DOCK11: variants seen among roughly 807,000 people sequenced by gnomAD.
The protein encoded by DOCK11 is dedicator of cytokinesis 11, also known as dedicator of cytokinesis protein 11.
In DOCK11, 70 loss-of-function variants were observed where a neutral mutation model predicts 169.1. That is an observed-to-expected ratio of 0.41 (90% CI 0.34 to 0.51). The LOEUF (loss-of-function observed/expected upper bound fraction) is 0.51, where lower values mean the gene tolerates loss of function less well. Ranked by LOEUF, DOCK11 falls within the 20% of genes least tolerant of loss-of-function variation. The pLI is 0.10. For missense variants in DOCK11, 1,166 were observed against 1,538.8 expected (o/e 0.76, Z 4.05); for synonymous variants, 529 against 541.3 (o/e 0.98, Z 0.32).
At chrX:118,590,071 A>G (rs1389561697) in intron 18 of DOCK11, 139 bp from the exon 19 acceptor site, 1 of 485,015 alleles carries the variant, frequency 2.1e-6, no homozygotes, top group East Asian at 3.6e-5. Context: ...ATGATTGGGA[A>G]TTTACAGGCT....
At chrX:118,562,369 T>C (rs2012940482) in intron 7 of DOCK11, among the ~76,000 whole-genome samples, 1 of 111,208 alleles carries the variant, frequency 9.0e-6, no homozygotes, top group Admixed American at 9.6e-5. Flanking sequence ...CCTACTTTCA[T>C]TGCCCTTTCT....
At chrX:118,640,955 G>A (rs764618936) in intron 38 of DOCK11, among the ~76,000 whole-genome samples, 2 of 110,448 alleles carry the variant, frequency 1.8e-5, no homozygotes, top group Non-Finnish European at 3.8e-5. Flanking sequence ...CACCATGCCC[G>A]GCTAATTTTT....
intron 1 of DOCK11, among the ~76,000 whole-genome samples, chrX:118,525,339 G>T (rs932189406): frequency 9.0e-6 from 1 of 111,421 alleles, no homozygotes; most frequent in Non-Finnish European, 1.9e-5. Flanking sequence ...ATATTATTCA[G>T]CCTTAAAAAG....
chrX:118,542,175 CTT>C (rs35885757), intron 1 of DOCK11, among the ~76,000 whole-genome samples: 8 of 100,464 alleles, frequency 8.0e-5, no homozygotes, highest in Admixed American at 1.1e-4. Context: ...TTCTCCAGAA[CTT>C]TTTTTTTTTT....
At chrX:118,532,670 A>G (rs2147333227) in intron 1 of DOCK11, among the ~76,000 whole-genome samples, 1 of 107,503 alleles carries the variant, frequency 9.3e-6, no homozygotes, top group South Asian at 4.3e-4. Context: ...AGCCCCAGCT[A>G]CTCGGGAGGC....
rs745385725 is a variant in DOCK11 at position 118,586,754 on chromosome X, C to T, written c.1796-1383C>T. ...AGACCATCACATATATATGTAAAGA[C>T]CTTGAGGTGAGACCAAGCTGGGTTT... On this transcript the variant is annotated intron_variant, in intron 16 of 52. Coordinates refer to ENST00000276202, the MANE Select transcript of DOCK11 (RefSeq NM_144658.4). Among the ~76,000 whole-genome samples the T allele has an allele frequency of 2.5e-4, 28 of 111,706 alleles. No individual in the cohort carries two copies. The South Asian group carries it at 5.2e-3, about 21-fold the overall frequency.
intron 46 of DOCK11, among the ~76,000 whole-genome samples, chrX:118,673,031 C>T (rs946370739): frequency 1.1e-4 from 12 of 111,622 alleles, no homozygotes; most frequent in African/African-American, 3.3e-4. Flanking sequence ...CCAGATTTGC[C>T]ATTACCCCTC....
intron 31 of DOCK11, among the ~76,000 whole-genome samples, chrX:118,619,089 C>A (rs2014897353): frequency 9.2e-6 from 1 of 108,350 alleles, no homozygotes; most frequent in Non-Finnish European, 1.9e-5. Context: ...GAACTCCTGG[C>A]CTCAAGTGAT....
chrX:118,647,904 A>G lies in DOCK11; in HGVS notation c.4399-1041A>G, dbSNP rs1434420749. 1.9e-3 allele frequency among the ~76,000 whole-genome samples: 100 copies of G among 51,764 alleles called. 2 individuals are homozygous for G. The South Asian group carries it at 0.027, about 14-fold the overall frequency. The allele number at this position is 51,764 out of a possible 115,157, so 45.0% of individuals were successfully genotyped here. A position where few individuals can be genotyped will look rare whatever the true frequency, so the allele number is the denominator to read the frequency against. ...AATATTTAATAATATATCATGTATT[A>G]TATATTATAATATTATATATAATAA... is the stretch of plus-strand genomic sequence containing the variant. On this transcript the variant is annotated intron_variant, in intron 40 of 52. Transcript: ENST00000276202.
intron 20 of DOCK11, 111 bp downstream of exon 20, chrX:118,593,448 A>G (rs1377158346): frequency 3.3e-5 from 24 of 727,866 alleles, no homozygotes; most frequent in Non-Finnish European, 1.3e-5. Context: ...ACCAAAAACC[A>G]CTGTATTAGT....
In DOCK11 at chrX:118,629,284, A is replaced by G. The variant is rs760606681; in HGVS notation, c.3774+1012A>G. ...TGTGACAACAGGTACTGTCATAGCT[A>G]AGGCAAATAAAGGTCAGAGAGGTTG... On this transcript the variant is annotated intron_variant, in intron 34 of 52. Transcript: ENST00000276202. 1.2e-4 allele frequency among the ~76,000 whole-genome samples: 13 copies of G among 111,419 alleles called. No individual in the cohort carries two copies. The South Asian group carries it at 4.9e-3, about 42-fold the overall frequency.
chrX:118,520,687 G>A (rs747893346), intron 1 of DOCK11, among the ~76,000 whole-genome samples: 1 of 111,623 alleles, frequency 9.0e-6, no homozygotes, highest in African/African-American at 3.3e-5. Flanking sequence ...AATATGATCA[G>A]GGTTCACCCT....
intron 1 of DOCK11, among the ~76,000 whole-genome samples, chrX:118,541,429 A>G (rs1366035804): frequency 9.0e-6 from 1 of 111,436 alleles, no homozygotes; most frequent in Non-Finnish European, 1.9e-5. Flanking sequence ...TAGTGATGAT[A>G]GACATTGAAG....
intron 23 of DOCK11, 52 bp from the exon 24 acceptor site, chrX:118,605,186 A>G: frequency 1.1e-6 from 1 of 948,955 alleles, no homozygotes. Flanking sequence ...CACATTTGCA[A>G]ATTTTATCAT....
At chrX:118,650,711 A>G (rs2015925781) in intron 41 of DOCK11, among the ~76,000 whole-genome samples, 1 of 111,895 alleles carries the variant, frequency 8.9e-6, no homozygotes, top group Non-Finnish European at 1.9e-5. Flanking sequence ...GTGCCAATAT[A>G]CCTGAAATTC....
intron 7 of DOCK11, 70 bp downstream of exon 7, chrX:118,561,587 G>T: frequency 9.6e-7 from 1 of 1,039,134 alleles, no homozygotes; most frequent in Non-Finnish European, 1.3e-6. Context: ...AACCCCAGAT[G>T]GTTGGGTGGG....
At chrX:118,498,311 G>T (rs1232127405) in intron 1 of DOCK11, among the ~76,000 whole-genome samples, 3 of 112,482 alleles carry the variant, frequency 2.7e-5, no homozygotes, top group African/African-American at 9.7e-5. Context: ...TTACAATCTG[G>T]GTTGGTTGTG....
rs1179398696 is a variant in DOCK11, at chrX:118,685,947, C to G, written c.*140C>G. 2.5e-6 allele frequency: 2 copies of G among 795,790 alleles called. No homozygotes were observed. Among genetic ancestry groups the G allele is most frequent in the African/African-American group, 4.2e-5 (2 of 47,590 alleles). The allele number at this position is 795,790 out of a possible 1,213,427, so 65.6% of individuals were successfully genotyped here. On this transcript the variant is annotated 3_prime_UTR_variant, in exon 53 of 53. Coordinates refer to ENST00000276202, the MANE Select transcript of DOCK11 (RefSeq NM_144658.4). ...AATTTTCATGTGTTCCAACAGGGTG[C>G]TTACATATTTGTAAATAAGCAACTT...
chrX:118,602,366 C>T (rs1343379378), intron 23 of DOCK11, among the ~76,000 whole-genome samples: 1 of 110,800 alleles, frequency 9.0e-6, no homozygotes, highest in Non-Finnish European at 1.9e-5. Context: ...GGTTATTGTC[C>T]ATAGGGGAAC....
Sources: allele counts gnomAD v4.1 joint callset (sites outside exome capture counted in the v4.1 genomes callset), GRCh38; gene constraint gnomAD v4.1.1; transcripts MANE v1.5; gene names NCBI Gene and HGNC (gene_info 2026-07-23, HGNC 2026-07-21).